Variants in SNTB1 observed in about 807,000 individuals in gnomAD.
The protein encoded by SNTB1 is syntrophin beta 1.
SNTB1 carries 36 observed loss-of-function variants against 48.9 expected under a neutral mutation model. The observed-to-expected ratio is 0.74, with a 90% confidence interval of 0.56 to 0.97. The LOEUF is 0.97. Among genes scored for constraint, SNTB1 ranks in the 50% least tolerant of loss-of-function variants. The probability of loss-of-function intolerance (pLI) is 0.00; values close to 1 mark genes in which losing one functional copy is unlikely to be tolerated. For missense variants in SNTB1, 786 were observed against 703.4 expected, an observed-to-expected ratio of 1.12 and a Z score of -1.33; for synonymous variants, 299 against 294.6, an observed-to-expected ratio of 1.01 and a Z score of -0.15.
At position 120,811,564 on chromosome 8, in the gene SNTB1, C is replaced by T. The variant is rs1298402055; in HGVS notation, c.280G>A (p.Ala94Thr). ...ACCTGCTCGGGCAGGTCGGTGAAAG[C>T]GGTGCGGACCCCGGCGGGCGAGTCC... ...PPDSPAGVRT[A>T]FTDLPEQVPE... Residue 94 changes from alanine to threonine, a missense_variant, in exon 1 of 7, where the codon GCT becomes ACT. Ala to Thr is a moderately conservative substitution (Grantham distance 58). Transcript: ENST00000517992. 3.2e-6 allele frequency: 5 copies of T among 1,580,154 alleles called. No homozygotes were observed. The highest frequency in any genetic ancestry group is 2.7e-5 in the African/African-American group (2 of 73,874).
chr8:120,566,819 T>C (rs898453836), intron 4 of SNTB1, among the ~76,000 whole-genome samples: 30 of 152,362 alleles, frequency 2.0e-4, no homozygotes, highest in South Asian at 1.9e-3. Flanking sequence ...TCTAGGTCTC[T>C]GATTCTATCC....
intron 4 of SNTB1, among the ~76,000 whole-genome samples, chr8:120,560,722 C>T (rs1487209799): frequency 2.0e-5 from 3 of 152,128 alleles, no homozygotes; most frequent in South Asian, 2.1e-4. Context: ...TTTCTTTGTG[C>T]CCTTGTGACC....
chr8:120,640,756 G>T (rs548443427), intron 2 of SNTB1, among the ~76,000 whole-genome samples: 76 of 152,210 alleles, frequency 5.0e-4, no homozygotes, highest in African/African-American at 1.8e-3. Flanking sequence ...ATAAAATTTT[G>T]ATGTGCTGCT....
chr8:120,723,928 G>A (rs550737999), intron 1 of SNTB1, among the ~76,000 whole-genome samples: 3 of 152,322 alleles, frequency 2.0e-5, no homozygotes, highest in Middle Eastern at 3.4e-3. Flanking sequence ...TTGAACAGAT[G>A]AATTATACTA....
Position 120,536,963 on chromosome 8 carries a change from A to C in SNTB1, c.*1914T>G, listed in dbSNP as rs926583948. The C allele has an allele frequency of 5.3e-5, 8 of 152,074 alleles. No individual in the cohort carries two copies. The highest frequency in any genetic ancestry group is 1.7e-4 in the African/African-American group (7 of 41,456). The allele number at this position is 152,074 out of a possible 1,614,324, so 9.4% of individuals were successfully genotyped here. Reference sequence around the variant, plus strand: ...ATGTTATTTACAATACACAATTATAATTCTCTTGTATAACAACATTCCAGT... The same window carrying C: ...ATGTTATTTACAATACACAATTATACTTCTCTTGTATAACAACATTCCAGT... On this transcript the variant is annotated 3_prime_UTR_variant, in exon 7 of 7. Transcript: ENST00000517992.
chr8:120,777,516 T>G (rs1444536678), intron 1 of SNTB1, among the ~76,000 whole-genome samples: 5 of 152,202 alleles, frequency 3.3e-5, no homozygotes, highest in Non-Finnish European at 5.9e-5. Flanking sequence ...TTGCCATGGA[T>G]ATGTCCCAAA....
intron 4 of SNTB1, among the ~76,000 whole-genome samples, chr8:120,557,002 C>T (rs1452655830): frequency 1.3e-5 from 2 of 152,098 alleles, no homozygotes; most frequent in Non-Finnish European, 2.9e-5. Flanking sequence ...TAAGTAACAC[C>T]AGGATTCCCA....
intron 1 of SNTB1, among the ~76,000 whole-genome samples, chr8:120,786,604 A>C (rs1269475167): frequency 6.6e-6 from 1 of 152,170 alleles, no homozygotes; most frequent in Non-Finnish European, 1.5e-5. Context: ...AGGTAGAGTC[A>C]CAATCCCTCC....
At chr8:120,555,766 A>C (rs1009667383) in intron 4 of SNTB1, among the ~76,000 whole-genome samples, 49 of 152,126 alleles carry the variant, frequency 3.2e-4, no homozygotes, top group Non-Finnish European at 2.1e-4. Context: ...AGGTTAACTG[A>C]GGGGGTCCTA....
chr8:120,564,993 G>T (rs1327261862), intron 4 of SNTB1, among the ~76,000 whole-genome samples: 1 of 152,202 alleles, frequency 6.6e-6, no homozygotes, highest in Non-Finnish European at 1.5e-5. Context: ...AATCTGATAT[G>T]ATGAAACATT....
chr8:120,810,422 TG>T (rs2130198443), intron 1 of SNTB1, among the ~76,000 whole-genome samples: 1 of 152,290 alleles, frequency 6.6e-6, no homozygotes, highest in East Asian at 1.9e-4. Flanking sequence ...ATGAGGGGAC[TG>T]GGGACATCAG....
chr8:120,578,134 C>G (rs1331817215), intron 3 of SNTB1, among the ~76,000 whole-genome samples: 1 of 151,886 alleles, frequency 6.6e-6, no homozygotes, highest in African/African-American at 2.4e-5. Context: ...CTGGGGTTCA[C>G]GCCATTCTCC....
chr8:120,565,214 C>G (rs1166504430), intron 4 of SNTB1, among the ~76,000 whole-genome samples: 1 of 151,932 alleles, frequency 6.6e-6, no homozygotes, highest in Non-Finnish European at 1.5e-5. Flanking sequence ...AAAATGTAGC[C>G]AATGTATTTA....
intron 4 of SNTB1, among the ~76,000 whole-genome samples, chr8:120,568,334 G>C (rs1220862112): frequency 6.6e-6 from 1 of 152,156 alleles, no homozygotes; most frequent in African/African-American, 2.4e-5. Context: ...CATCTCCCTG[G>C]CATCATCCCA....
intron 4 of SNTB1, among the ~76,000 whole-genome samples, chr8:120,555,534 A>G (rs1241588662): frequency 2.6e-5 from 4 of 152,132 alleles, no homozygotes; most frequent in African/African-American, 9.7e-5. Context: ...CCATCTTGAA[A>G]ATGTCTAGTC....
At chr8:120,748,099 A>G (rs1361161990) in intron 1 of SNTB1, among the ~76,000 whole-genome samples, 1 of 152,150 alleles carries the variant, frequency 6.6e-6, no homozygotes, top group Non-Finnish European at 1.5e-5. Flanking sequence ...TTGCTTTTCT[A>G]AATAACTCAA....
In SNTB1 at chr8:120,538,685, C is replaced by G. The variant is rs1014984436; in HGVS notation, c.*192G>C. 19 of 664,326 alleles carry G rather than the reference C, an allele frequency of 2.9e-5. No homozygotes were observed. The highest frequency in any genetic ancestry group is 4.2e-5 in the Non-Finnish European group (15 of 358,016). 41.2% of individuals were successfully genotyped at this position (664,326 alleles called of 1,614,324 possible). A position where few individuals can be genotyped will look rare whatever the true frequency, so the allele number is the denominator to read the frequency against. The stretch of plus-strand genomic sequence containing the variant: ...TTTTACTCTGATATTTCTCATGGTA[C>G]TTTCGCAGGGTATCCCTTGTAGTTG... On this transcript the variant is annotated 3_prime_UTR_variant, in exon 7 of 7. Coordinates refer to ENST00000517992, the MANE Select transcript of SNTB1 (RefSeq NM_021021.4).
intron 4 of SNTB1, among the ~76,000 whole-genome samples, 166 bp downstream of exon 4, chr8:120,574,920 T>A (rs576563422): frequency 6.2e-4 from 94 of 152,346 alleles, no homozygotes; most frequent in African/African-American, 2.1e-3. Context: ...TGTTTGGCCA[T>A]AAATGATCAT....
chr8:120,760,718 A>G (rs1194074891), intron 1 of SNTB1, among the ~76,000 whole-genome samples: 5 of 152,056 alleles, frequency 3.3e-5, no homozygotes, highest in South Asian at 2.1e-4. Flanking sequence ...TTTGAGGGAG[A>G]CTATTTTACC....
Sources: allele counts gnomAD v4.1 joint callset (sites outside exome capture counted in the v4.1 genomes callset), GRCh38; gene constraint gnomAD v4.1.1; transcripts MANE v1.5; gene names NCBI Gene and HGNC (gene_info 2026-07-23, HGNC 2026-07-21).